ATP8B4: variants seen among roughly 807,000 people sequenced by gnomAD.
The protein encoded by ATP8B4 is ATPase phospholipid transporting 8B4 (putative).
Under a neutral mutation model 145.6 loss-of-function variants are expected in ATP8B4, and 133 were observed. That is an observed-to-expected ratio of 0.91 (90% CI 0.79 to 1.05). The LOEUF (loss-of-function observed/expected upper bound fraction) is 1.05. Among genes scored for constraint, ATP8B4 ranks in the 50% least tolerant of loss-of-function variants. The pLI is 0.00. For synonymous variants in ATP8B4, 507 were observed against 492.9 expected, an observed-to-expected ratio of 1.03 and a Z score of -0.38; for missense variants, 1,458 against 1,425.2, an observed-to-expected ratio of 1.02 and a Z score of -0.37.
intron 15 of ATP8B4, 101 bp downstream of exon 15, chr15:49,933,916 C>G (rs1241740526): frequency 7.7e-7 from 1 of 1,291,798 alleles, no homozygotes; most frequent in African/African-American, 1.5e-5. Context: ...ACAAGGCTCA[C>G]TGCTCAAATG....
chr15:50,060,098 G>C (rs542337472), intron 3 of ATP8B4, among the ~76,000 whole-genome samples: 5 of 152,114 alleles, frequency 3.3e-5, no homozygotes, highest in Non-Finnish European at 5.9e-5. Context: ...GGCCGAGCCA[G>C]AGCCATGACC....
chr15:50,004,922 G>C (rs776739032), intron 7 of ATP8B4, among the ~76,000 whole-genome samples: 10 of 152,182 alleles, frequency 6.6e-5, no homozygotes, highest in Non-Finnish European at 1.2e-4. Flanking sequence ...GTGCAAATGA[G>C]AGTGCAACGT....
intron 2 of ATP8B4, among the ~76,000 whole-genome samples, chr15:50,078,004 T>C (rs552416096): frequency 2.0e-5 from 3 of 152,230 alleles, no homozygotes; most frequent in Admixed American, 2.0e-4. Context: ...TCTAGTCCTT[T>C]ATTTATAAAT....
chr15:50,024,608 T>A (rs1049158047), intron 6 of ATP8B4, among the ~76,000 whole-genome samples: 2 of 152,232 alleles, frequency 1.3e-5, no homozygotes, highest in Non-Finnish European at 2.9e-5. Flanking sequence ...AAAGTGCCGC[T>A]GCAAGGGAAA....
chr15:50,040,543 T>G (rs2051196289), intron 5 of ATP8B4, among the ~76,000 whole-genome samples: 1 of 152,026 alleles, frequency 6.6e-6, no homozygotes, highest in Non-Finnish European at 1.5e-5. Flanking sequence ...TCACAAAAGG[T>G]GAAAGCACAT....
At chr15:49,914,737 G>C (rs1007586179) in intron 20 of ATP8B4, among the ~76,000 whole-genome samples, 2 of 152,038 alleles carry the variant, frequency 1.3e-5, no homozygotes, top group African/African-American at 4.8e-5. Flanking sequence ...TTAATTATCA[G>C]AGACATGCAA....
intron 1 of ATP8B4, among the ~76,000 whole-genome samples, chr15:50,164,354 C>G (rs777007072): frequency 6.6e-6 from 1 of 152,170 alleles, no homozygotes; most frequent in Non-Finnish European, 1.5e-5. Flanking sequence ...GGTGATGAAT[C>G]CTGCCAAGAT....
At chr15:49,907,785 C>G (rs1326954041) in intron 20 of ATP8B4, among the ~76,000 whole-genome samples, 1 of 152,208 alleles carries the variant, frequency 6.6e-6, no homozygotes, top group Non-Finnish European at 1.5e-5. Context: ...TGACATGAAG[C>G]CCATACTCTT....
intron 1 of ATP8B4, among the ~76,000 whole-genome samples, chr15:50,135,423 C>T (rs1194833189): frequency 6.6e-6 from 1 of 152,152 alleles, no homozygotes; most frequent in Admixed American, 6.6e-5. Context: ...ACCCCATTTC[C>T]ATGAATCATT....
intron 1 of ATP8B4, among the ~76,000 whole-genome samples, chr15:50,155,991 T>C (rs2044404886): frequency 6.7e-6 from 1 of 149,234 alleles, no homozygotes; most frequent in South Asian, 2.1e-4. Flanking sequence ...TGTTTATATT[T>C]TAGCTAGGAC....
chr15:49,897,772 T>C (rs2037569649), intron 22 of ATP8B4, among the ~76,000 whole-genome samples: 2 of 152,226 alleles, frequency 1.3e-5, no homozygotes. Context: ...AGTCACATGT[T>C]ACAAATGTGG....
At chr15:50,096,217 A>T (rs138653052) in intron 2 of ATP8B4, among the ~76,000 whole-genome samples, 38 of 152,310 alleles carry the variant, frequency 2.5e-4, no homozygotes, top group African/African-American at 8.7e-4. Context: ...CATGAGGGTC[A>T]TGAAATCCAA....
chr15:49,924,154 T>A (rs183965046), intron 16 of ATP8B4, among the ~76,000 whole-genome samples: 7 of 152,148 alleles, frequency 4.6e-5, no homozygotes, highest in African/African-American at 1.7e-4. Flanking sequence ...CCCACAGGTT[T>A]GAGACTGACA....
intron 1 of ATP8B4, among the ~76,000 whole-genome samples, chr15:50,113,566 C>T (rs796898525): frequency 2.2e-4 from 33 of 152,084 alleles, no homozygotes; most frequent in African/African-American, 8.0e-4. Flanking sequence ...AGGCCAGGAG[C>T]GGTGGCTCAC....
intron 20 of ATP8B4, among the ~76,000 whole-genome samples, chr15:49,904,839 T>C (rs1294888040): frequency 6.6e-6 from 1 of 152,242 alleles, no homozygotes; most frequent in Non-Finnish European, 1.5e-5. Context: ...AATTCCTAGT[T>C]ATATCACTGG....
intron 4 of ATP8B4, 34 bp from the exon 5 acceptor site, chr15:50,044,726 TA>T: frequency 1.4e-6 from 2 of 1,480,108 alleles, no homozygotes; most frequent in Non-Finnish European, 1.9e-6. Context: ...TTAGGGCTTT[TA>T]AAGTTAGAAA....
intron 2 of ATP8B4, among the ~76,000 whole-genome samples, chr15:50,087,744 C>G (rs1038402518): frequency 7.2e-5 from 11 of 151,750 alleles, no homozygotes; most frequent in African/African-American, 2.7e-4. Flanking sequence ...TGTGAAGTCA[C>G]AAAGGTGAAA....
At position 49,860,070 on chromosome 15, in the gene ATP8B4, T is replaced by TTTAAG; in HGVS notation, c.*119_*123dup. The TTTAAG allele has an allele frequency of 8.2e-7, 1 of 1,225,836 alleles. No homozygotes were observed. The highest frequency in any genetic ancestry group is 1.1e-6 in the Non-Finnish European group (1 of 881,856). The allele number at this position is 1,225,836 out of a possible 1,614,324, so 75.9% of individuals were successfully genotyped here. ...GGCACTGGCAGTTGTCTGCCGCAGA[T>TTTAAG]TTAAGTTAAGTGAGGCAATCTGCCT... On this transcript the variant is annotated 3_prime_UTR_variant, in exon 28 of 28. Coordinates refer to ENST00000284509, the MANE Select transcript of ATP8B4 (RefSeq NM_024837.4).
Position 49,921,926 on chromosome 15 carries a change from C to T in ATP8B4, c.1758+1453G>A, listed in dbSNP as rs138719195. Among the ~76,000 whole-genome samples, 896 of 152,330 alleles carry T rather than the reference C, an allele frequency of 5.9e-3. 10 individuals are homozygous for T. Among genetic ancestry groups the T allele is most frequent in the African/African-American group, 0.021 (855 of 41,580 alleles). ...AATGATCTTTTGTCCTCTTAATTCA[C>T]ACAAGCACTTTTTTGCCTTTAACTT... On this transcript the variant is annotated intron_variant, in intron 17 of 27. Transcript: ENST00000284509.
Sources: gnomAD v4.1 joint callset for allele counts (sites outside exome capture counted in the v4.1 genomes callset) on GRCh38, gnomAD v4.1.1 for gene constraint, MANE v1.5 for transcripts, NCBI Gene and HGNC (gene_info 2026-07-23, HGNC 2026-07-21) for gene names.